DACT2: variants seen among roughly 807,000 people sequenced by gnomAD.
The protein encoded by DACT2 is dapper homolog 2.
Under a neutral mutation model 22.2 loss-of-function variants are expected in DACT2, and 20 were observed. The observed-to-expected ratio is 0.90, with a 90% CI of 0.63 to 1.31. The LOEUF is 1.31. Ranked by LOEUF, DACT2 falls within the 50% of genes most tolerant of loss-of-function variation. The pLI, the probability that DACT2 is intolerant of heterozygous loss-of-function variation, is 0.00. For synonymous variants in DACT2, 463 were observed against 479.8 expected (o/e 0.96, Z 0.46); for missense variants, 1,048 against 1,061.4 (o/e 0.99, Z 0.18).
chr6:168,296,395 G>A (rs1485956192), intron 3 of DACT2, among the ~76,000 whole-genome samples: 1 of 151,158 alleles, frequency 6.6e-6, no homozygotes, highest in Admixed American at 6.6e-5. Context: ...GCGGTGAGGA[G>A]ATGGTCATGG....
downstream of DACT2, among the ~76,000 whole-genome samples, chr6:168,303,228 C>T (rs576248319): frequency 5.3e-5 from 8 of 152,146 alleles, no homozygotes; most frequent in African/African-American, 1.4e-4. Context: ...TACAGAACCT[C>T]GGATTCTGTC....
rs1377986521 is a variant in DACT2, at chr6:168,307,735, G to A, written c.2022C>T (p.Phe674=). ...CGCTGGTCTCCGGGATGACTGACGG[G>A]AACCGCGGGTCACACTCGGCCGAGT... ...SKHSAECDPR[F]PSVIPETSEG... The change falls in exon 4 of 4, where the codon TTC becomes TTT. Residue 674 remains phenylalanine, a synonymous_variant. Transcript: ENST00000366795. The surrounding 1 kb of genome is among the most constrained non-coding windows in gnomAD (Gnocchi z 5.3). 2 of 1,549,184 alleles carry A rather than the reference G, an allele frequency of 1.3e-6. No homozygotes were observed. Among genetic ancestry groups the A allele is most frequent in the South Asian group, 2.4e-5 (2 of 84,056 alleles).
chr6:168,308,238 C>T lies in DACT2; in HGVS notation c.1519G>A (p.Val507Met). 6.4e-7 allele frequency: 1 copy of T among 1,552,106 alleles called. No individual in the cohort carries two copies. The highest frequency in any genetic ancestry group is 2.4e-5 in the East Asian group (1 of 40,890). The change falls in exon 4 of 4, where the codon GTG (valine) becomes ATG (methionine). Residue 507 changes from valine (V) to methionine (M), a missense_variant. Physicochemically the swap from Val to Met is conservative, Grantham distance 21. Coordinates refer to ENST00000366795, the MANE Select transcript of DACT2 (RefSeq NM_214462.5). ...EKIKRSPMDK[V>M]LRFARQPLLL... ...AGCGGCTGCCTTGCAAACCTCAGCA[C>T]CTTGTCCATGGGACTTCTCTTGATT...
At chr6:168,309,487 C>A (rs1484848018) in intron 3 of DACT2, among the ~76,000 whole-genome samples, 1 of 58,664 alleles carries the variant, frequency 1.7e-5, no homozygotes, top group African/African-American at 6.8e-5. Flanking sequence ...GCGCCTGCAG[C>A]GCGGCCCCCT....
Position 168,308,368 on chromosome 6 carries a change from T to C in DACT2, c.1389A>G (p.Pro463=), listed in dbSNP as rs944248642. The change falls in exon 4 of 4, where the codon CCA becomes CCG. Residue 463 remains proline, a synonymous_variant. Coordinates refer to ENST00000366795, the MANE Select transcript of DACT2 (RefSeq NM_214462.5). ...AGGGGCTCTTGTCCAGCATCCTGGA[T>C]GGGGATATGATGTTGCCTCGTCCAT... is the stretch of plus-strand genomic sequence containing the variant. ...QDYGRGNIIS[P]SRMLDKSPSP... is the part of the protein sequence containing the mutation. The C allele has an allele frequency of 6.4e-7, 1 of 1,551,848 alleles. No homozygotes were observed. The highest frequency in any genetic ancestry group is 8.7e-7 in the Non-Finnish European group (1 of 1,147,008).
At chr6:168,311,771 C>T (rs926932552) in intron 1 of DACT2, among the ~76,000 whole-genome samples, 2 of 152,334 alleles carry the variant, frequency 1.3e-5, no homozygotes, top group African/African-American at 2.4e-5. Context: ...TATAAGGATA[C>T]AGAATTCCAC....
chr6:168,293,385 T>A (rs1778945726), exon 6 of DACT2: 1 of 153,604 alleles, frequency 6.5e-6, no homozygotes, highest in African/African-American at 2.4e-5. Flanking sequence ...AAACTGGAAC[T>A]TTTCCTAGCC....
At chr6:168,299,694 G>C (rs560427348) in intron 3 of DACT2, 4 of 152,264 alleles carry the variant, frequency 2.6e-5, no homozygotes, top group Non-Finnish European at 4.4e-5. Flanking sequence ...AGCGAACTCA[G>C]CGAACCGAGT....
At chr6:168,303,307 T>G (rs190513607), downstream of DACT2, among the ~76,000 whole-genome samples, 270 of 152,320 alleles carry the variant, frequency 1.8e-3, 1 homozygote, top group Middle Eastern at 0.017. Flanking sequence ...ATTTGAAATT[T>G]GATCCCCAAT....
At chr6:168,304,821 T>C (rs1368063202), downstream of DACT2, among the ~76,000 whole-genome samples, 1 of 152,226 alleles carries the variant, frequency 6.6e-6, no homozygotes, top group Non-Finnish European at 1.5e-5. Context: ...CCTCCTGTCC[T>C]GGGCTGCCTG....
chr6:168,297,220 A>T (rs1360082088), intron 3 of DACT2, among the ~76,000 whole-genome samples: 1 of 152,184 alleles, frequency 6.6e-6, no homozygotes, highest in Non-Finnish European at 1.5e-5. Context: ...TCCCCCAGAG[A>T]TGTCCGCGTC....
chr6:168,301,735 CAT>C (rs1217653423), intron 3 of DACT2, among the ~76,000 whole-genome samples: 1 of 152,236 alleles, frequency 6.6e-6, no homozygotes, highest in Non-Finnish European at 1.5e-5. Flanking sequence ...CTGTTGTGAG[CAT>C]CTCTGCCTGC....
chr6:168,314,241 C>T (rs1779492714), intron 1 of DACT2, among the ~76,000 whole-genome samples: 1 of 152,238 alleles, frequency 6.6e-6, no homozygotes, highest in South Asian at 2.1e-4. Flanking sequence ...TGCTCCACTT[C>T]CCTCTGCAAG....
At position 168,311,594 on chromosome 6, in the gene DACT2, A is replaced by ACACTCACACACAAACACACACACC. The variant is rs1332323296; in HGVS notation, c.247-311_247-310insGGTGTGTGTGTTTGTGTGTGAGTG. 1.8e-4 allele frequency among the ~76,000 whole-genome samples: 12 copies of ACACTCACACACAAACACACACACC among 65,608 alleles called. No homozygotes were observed. In the South Asian group the frequency reaches 3.4e-3, roughly 19 times the overall value. 43.0% of individuals were successfully genotyped at this position (65,608 alleles called of 152,430 possible). A position where few individuals can be genotyped will look rare whatever the true frequency, so the allele number is the denominator to read the frequency against. ...AACACACACACCCATCCACACACAC[A>ACACTCACACACAAACACACACACC]CATACACACACACTCACACAAACAC... On this transcript the variant is annotated intron_variant, in intron 1 of 3. Transcript: ENST00000366795.
At chr6:168,305,635 G>A (rs1779189937), downstream of DACT2, among the ~76,000 whole-genome samples, 2 of 152,322 alleles carry the variant, frequency 1.3e-5, no homozygotes, top group African/African-American at 4.8e-5. Flanking sequence ...CGTGGACTGA[G>A]GCTGCGCCCA....
At position 168,311,228 on chromosome 6, in the gene DACT2, C is replaced by A. The variant is rs887939962; in HGVS notation, c.303G>T (p.Leu101=). Residue 101 remains leucine (L), a synonymous_variant, in exon 2 of 4, where the codon CTG becomes CTT. Coordinates refer to ENST00000366795, the MANE Select transcript of DACT2 (RefSeq NM_214462.5). ...GLKTHLDQLD[L]QISKLQLDVG... ...CATCCAGCTGCAGCTTGCTAATCTGCAGGTCCAGCTGGTCCAGGTGGGTCT... is the reference window on the plus strand; with the variant it reads ...CATCCAGCTGCAGCTTGCTAATCTGAAGGTCCAGCTGGTCCAGGTGGGTCT... 1.9e-6 allele frequency: 3 copies of A among 1,550,904 alleles called. No individual in the cohort carries two copies. The highest frequency in any genetic ancestry group is 2.6e-6 in the Non-Finnish European group (3 of 1,146,358).
chr6:168,308,543 T>C lies in DACT2; in HGVS notation c.1214A>G (p.Gln405Arg). ...SRGAGRGGPQ[Q>R]QGYMPLEGPQ... is the part of the protein sequence containing the mutation. ...ACCCTCAAGGGGCATGTATCCCTGC[T>C]GCTGGGGCCCGCCCCTGCCGGCACC... Residue 405 changes from glutamine (Q) to arginine (R), a missense_variant, in exon 4 of 4, where the codon CAG (glutamine) becomes CGG (arginine). Physicochemically the swap from Gln to Arg is conservative, Grantham distance 43. Coordinates refer to ENST00000366795, the MANE Select transcript of DACT2 (RefSeq NM_214462.5). 1.3e-6 allele frequency: 2 copies of C among 1,535,354 alleles called. No homozygotes were observed. Among genetic ancestry groups the C allele is most frequent in the Admixed American group, 4.0e-5 (2 of 50,440 alleles).
At chr6:168,300,858 T>C (rs7747356) in intron 3 of DACT2, among the ~76,000 whole-genome samples, 4,734 of 152,134 alleles carry the variant, frequency 0.031, 227 homozygotes, top group African/African-American at 0.1. Context: ...TGGTGGCAGG[T>C]GCCTGTAGTC....
At chr6:168,312,911 A>C (rs1779455673) in intron 1 of DACT2, among the ~76,000 whole-genome samples, 1 of 152,156 alleles carries the variant, frequency 6.6e-6, no homozygotes, top group Non-Finnish European at 1.5e-5. Context: ...AGTGCCTACT[A>C]TCAGCACGGG....
Sources: gnomAD v4.1 joint callset for allele counts (sites outside exome capture counted in the v4.1 genomes callset) on GRCh38, gnomAD v4.1.1 for gene constraint, Gnocchi (gnomAD v3.1) non-coding constraint, MANE v1.5 for transcripts, NCBI Gene and HGNC (gene_info 2026-07-23, HGNC 2026-07-21) for gene names.